Variants in ADGRL2 observed in about 807,000 individuals in gnomAD.
ADGRL2 encodes the protein adhesion G protein-coupled receptor L2.
ADGRL2 carries 44 observed loss-of-function variants against 157.4 expected under a neutral mutation model. The ratio of observed to expected loss-of-function variants is 0.28; its 90% CI spans 0.22 to 0.36. The LOEUF (loss-of-function observed/expected upper bound fraction) is 0.36. Ranked by LOEUF, ADGRL2 falls within the 10% of genes least tolerant of loss-of-function variation. The pLI, the probability that ADGRL2 is intolerant of heterozygous loss-of-function variation, is 1.00. For synonymous variants in ADGRL2, 585 were observed against 624.7 expected (o/e 0.94, Z 0.95); for missense variants, 1,510 against 1,768.9 (o/e 0.85, Z 2.63).
chr1:81,790,825 TAC>T (rs2087301299), intron 2 of ADGRL2, among the ~76,000 whole-genome samples: 1 of 152,138 alleles, frequency 6.6e-6, no homozygotes, highest in Admixed American at 6.5e-5. Context: ...TCCTATGCCA[TAC>T]AAAGTTGGGA....
chr1:81,925,080 T>TACA (rs2095073112), intron 3 of ADGRL2, among the ~76,000 whole-genome samples: 1 of 152,094 alleles, frequency 6.6e-6, no homozygotes, highest in Non-Finnish European at 1.5e-5. Flanking sequence ...TAAAGTGAAT[T>TACA]CCTTCTATGT....
At position 81,313,953 on chromosome 1, in the gene ADGRL2, A is replaced by G. The variant is rs72713423; in HGVS notation, c.-302+7444A>G. On this transcript the variant is annotated intron_variant, in intron 1 of 24. Transcript: ENST00000370721. ...TCTGTCCCCAATCCATTATAAGTAT[A>G]TCATTCAAACCTGTTTAATTTCCTA... 2.3e-3 allele frequency among the ~76,000 whole-genome samples: 343 copies of G among 152,284 alleles called. 5 individuals carry two copies. The highest frequency in any genetic ancestry group is 2.9e-3 in the Non-Finnish European group (195 of 68,032).
At chr1:81,604,341 T>C (rs1359304) in intron 3 of ADGRL2, among the ~76,000 whole-genome samples, 19,104 of 152,142 alleles carry the variant, frequency 0.13, 1,653 homozygotes, top group Non-Finnish European at 0.18. Context: ...CTGGAGCTCC[T>C]CATCCTCGTT....
intron 1 of ADGRL2, among the ~76,000 whole-genome samples, chr1:81,712,875 GCCTC>G (rs1477083273): frequency 6.0e-4 from 89 of 147,168 alleles, no homozygotes; most frequent in African/African-American, 2.1e-3. Flanking sequence ...TGATTCTCCT[GCCTC>G]AGCCTCCTGT....
At chr1:81,770,513 GC>G (rs1263828429) in intron 2 of ADGRL2, among the ~76,000 whole-genome samples, 1 of 149,750 alleles carries the variant, frequency 6.7e-6, no homozygotes, top group Non-Finnish European at 1.5e-5. Context: ...TGCTCTTGTT[GC>G]CCAGGCTGGA....
At chr1:81,497,332 CTT>C (rs1289516323) in intron 2 of ADGRL2, among the ~76,000 whole-genome samples, 1 of 151,964 alleles carries the variant, frequency 6.6e-6, no homozygotes, top group Non-Finnish European at 1.5e-5. Context: ...ATTTAAGAAA[CTT>C]TTCAATTTAG....
intron 3 of ADGRL2, among the ~76,000 whole-genome samples, chr1:81,612,985 G>A (rs999727932): frequency 1.1e-4 from 16 of 152,178 alleles, no homozygotes; most frequent in Admixed American, 3.9e-4. Context: ...ATAAATGCTA[G>A]ATGATCATGA....
intron 1 of ADGRL2, among the ~76,000 whole-genome samples, chr1:81,818,270 T>A (rs1408528572): frequency 6.6e-6 from 1 of 152,230 alleles, no homozygotes; most frequent in African/African-American, 2.4e-5. Context: ...AAGTATGTTA[T>A]GCTTTTGTAG....
chr1:81,792,792 A>G (rs1180221095), intron 2 of ADGRL2, among the ~76,000 whole-genome samples: 1 of 152,094 alleles, frequency 6.6e-6, no homozygotes, highest in Non-Finnish European at 1.5e-5. Context: ...TAGAGATTTT[A>G]TTTTTAGCAG....
chr1:81,965,129 GTGTT>G (rs951922350), intron 11 of ADGRL2, among the ~76,000 whole-genome samples: 1 of 152,100 alleles, frequency 6.6e-6, no homozygotes, highest in Non-Finnish European at 1.5e-5. Flanking sequence ...TTTTCCTTAA[GTGTT>G]TGTCAATTTC....
intron 1 of ADGRL2, among the ~76,000 whole-genome samples, chr1:81,729,999 G>C (rs2084665905): frequency 6.6e-6 from 1 of 152,184 alleles, no homozygotes. Flanking sequence ...AGACCACTGT[G>C]ATGAGCATCA....
At chr1:81,483,606 T>C (rs949620818) in intron 2 of ADGRL2, among the ~76,000 whole-genome samples, 4 of 152,160 alleles carry the variant, frequency 2.6e-5, no homozygotes, top group Non-Finnish European at 2.9e-5. Flanking sequence ...TTCAACAATG[T>C]ACAAACAGAA....
intron 2 of ADGRL2, among the ~76,000 whole-genome samples, chr1:81,884,521 A>C (rs2094076694): frequency 6.6e-6 from 1 of 152,166 alleles, no homozygotes; most frequent in Non-Finnish European, 1.5e-5. Context: ...AATGATGTTG[A>C]AAGCAAAAAT....
intron 1 of ADGRL2, among the ~76,000 whole-genome samples, chr1:81,706,868 T>G (rs1486094982): frequency 6.6e-6 from 1 of 152,034 alleles, no homozygotes; most frequent in Non-Finnish European, 1.5e-5. Context: ...GGAGAGAAAT[T>G]TCATGAAGAG....
At chr1:81,747,621 T>C (rs1435100390) in intron 1 of ADGRL2, among the ~76,000 whole-genome samples, 1 of 151,960 alleles carries the variant, frequency 6.6e-6, no homozygotes, top group Non-Finnish European at 1.5e-5. Context: ...ATTTTAAACA[T>C]TATTTATTTG....
chr1:81,711,184 C>T (rs919196529), intron 1 of ADGRL2, among the ~76,000 whole-genome samples: 1 of 152,196 alleles, frequency 6.6e-6, no homozygotes, highest in Admixed American at 6.5e-5. Context: ...CTTCAGGTTA[C>T]AATTCTTGTC....
intron 3 of ADGRL2, among the ~76,000 whole-genome samples, chr1:81,655,430 A>C (rs555202939): frequency 8.7e-4 from 133 of 152,254 alleles, no homozygotes; most frequent in African/African-American, 3.1e-3. Flanking sequence ...TCAAACCCAC[A>C]TATGTCAGAC....
chr1:81,935,832 G>A (rs1041756292), intron 3 of ADGRL2, among the ~76,000 whole-genome samples: 2 of 151,736 alleles, frequency 1.3e-5, no homozygotes, highest in African/African-American at 2.4e-5. Context: ...TTCATAGAAT[G>A]TACATATCAT....
At chr1:81,819,101 T>TTA (rs2090721438) in intron 1 of ADGRL2, among the ~76,000 whole-genome samples, 1 of 152,172 alleles carries the variant, frequency 6.6e-6, no homozygotes, top group Non-Finnish European at 1.5e-5. Flanking sequence ...TTATACTTAT[T>TTA]TGATAGCATT....
Sources: allele counts gnomAD v4.1 joint callset (sites outside exome capture counted in the v4.1 genomes callset), GRCh38; gene constraint gnomAD v4.1.1; transcripts MANE v1.5; gene names NCBI Gene and HGNC (gene_info 2026-07-23, HGNC 2026-07-21).